PCDH15: variants seen among roughly 807,000 people sequenced by gnomAD.
The protein encoded by PCDH15 is protocadherin-15.
Under a neutral mutation model 178.5 loss-of-function variants are expected in PCDH15, and 129 were observed. That is an observed-to-expected ratio of 0.72 (90% CI 0.63 to 0.84). The LOEUF (loss-of-function observed/expected upper bound fraction) is 0.84, where lower values mean the gene tolerates loss of function less well. Among genes scored for constraint, PCDH15 ranks in the 40% least tolerant of loss-of-function variants. PCDH15 has a pLI of 0.00. For synonymous variants in PCDH15, 800 were observed against 732.0 expected (o/e 1.09, Z -1.50); for missense variants, 2,230 against 2,099.9 (o/e 1.06, Z -1.21).
chr10:54,354,060 A>G (rs9415310), intron 5 of PCDH15, among the ~76,000 whole-genome samples: 17,461 of 152,158 alleles, frequency 0.11, 1,774 homozygotes, highest in African/African-American at 0.28. Flanking sequence ...ATCTCGGCTC[A>G]CCGCAACCTC....
chr10:54,539,598 T>C (rs2084974217), intron 2 of PCDH15, among the ~76,000 whole-genome samples: 1 of 152,318 alleles, frequency 6.6e-6, no homozygotes, highest in Non-Finnish European at 1.5e-5. Flanking sequence ...GCAGAAATTC[T>C]GGAATTAAAT....
chr10:54,378,757 G>A, intron 4 of PCDH15, 25 bp downstream of exon 4: 1 of 1,610,384 alleles, frequency 6.2e-7, no homozygotes, highest in African/African-American at 1.3e-5. Flanking sequence ...TTATATTACA[G>A]GGGCAAAGAA....
At chr10:54,432,267 C>CA (rs1288956246) in intron 3 of PCDH15, among the ~76,000 whole-genome samples, 18 of 140,164 alleles carry the variant, frequency 1.3e-4, no homozygotes, top group Non-Finnish European at 2.1e-4. Flanking sequence ...CCAAAGCTAT[C>CA]AAAAAAAGAA....
intron 2 of PCDH15, among the ~76,000 whole-genome samples, chr10:55,392,979 ATGTGTGTG>A (rs10546546): frequency 5.8e-4 from 84 of 144,156 alleles, no homozygotes; most frequent in African/African-American, 1.7e-3. Context: ...ACTAAAGTGT[ATGTGTGTG>A]TGTGTGTGTG....
At chr10:55,126,313 G>A (rs1336518276) in intron 2 of PCDH15, among the ~76,000 whole-genome samples, 2 of 151,994 alleles carry the variant, frequency 1.3e-5, no homozygotes, top group East Asian at 1.9e-4. Context: ...ACCCATAGTC[G>A]GAATATTTAT....
At chr10:55,462,633 CTA>C (rs893184671) in intron 2 of PCDH15, among the ~76,000 whole-genome samples, 1 of 152,038 alleles carries the variant, frequency 6.6e-6, no homozygotes, top group East Asian at 1.9e-4. Context: ...AGCCATGTTC[CTA>C]TATATATTGT....
At chr10:55,197,150 A>G (rs573509711) in intron 1 of PCDH15, among the ~76,000 whole-genome samples, 65 of 152,162 alleles carry the variant, frequency 4.3e-4, no homozygotes, top group African/African-American at 1.5e-3. Context: ...CTTCCTAGCT[A>G]CCTACTTTCT....
intron 2 of PCDH15, among the ~76,000 whole-genome samples, chr10:55,079,689 A>G (rs993217341): frequency 3.9e-5 from 6 of 151,954 alleles, no homozygotes; most frequent in African/African-American, 1.4e-4. Context: ...TAATGGGATG[A>G]CTCTCTGGGT....
intron 5 of PCDH15, among the ~76,000 whole-genome samples, chr10:54,351,336 C>T (rs1944149359): frequency 6.6e-6 from 1 of 151,980 alleles, no homozygotes; most frequent in African/African-American, 2.4e-5. Flanking sequence ...GAAATGTATG[C>T]AAAAACAGAG....
chr10:55,532,404 A>G (rs1268143570), intron 2 of PCDH15, among the ~76,000 whole-genome samples: 2 of 152,084 alleles, frequency 1.3e-5, no homozygotes, highest in Admixed American at 1.3e-4. Context: ...TCGCTTCATT[A>G]ATTCCAACCT....
intron 2 of PCDH15, among the ~76,000 whole-genome samples, chr10:54,658,553 C>G (rs1488106108): frequency 6.6e-6 from 1 of 151,884 alleles, no homozygotes; most frequent in East Asian, 1.9e-4. Flanking sequence ...ATTTCATAAA[C>G]AAAGTAGAAA....
In PCDH15 at chr10:55,346,405, T is replaced by A. The variant is rs141412739; in HGVS notation, c.-155-179754A>T. On this transcript the variant is annotated intron_variant, in intron 2 of 5. Transcript: ENST00000613346. The stretch of plus-strand genomic sequence containing the variant: ...AGTAGGAATGTAGCTTTATAATTGA[T>A]CTTGATTTTCTTTGGAGGATCAGCT... 3.0e-3 allele frequency among the ~76,000 whole-genome samples: 451 copies of A among 152,286 alleles called. 1 individual carries two copies. Among genetic ancestry groups the A allele is most frequent in the Non-Finnish European group, 5.0e-3 (340 of 68,026 alleles).
At chr10:55,206,604 C>T (rs1240482688) in intron 1 of PCDH15, among the ~76,000 whole-genome samples, 2 of 152,120 alleles carry the variant, frequency 1.3e-5, no homozygotes, top group East Asian at 3.9e-4. Flanking sequence ...TCACAATTAA[C>T]ATCACATAAT....
intron 26 of PCDH15, among the ~76,000 whole-genome samples, chr10:53,873,335 T>C (rs962131314): frequency 6.6e-6 from 1 of 152,240 alleles, no homozygotes; most frequent in Non-Finnish European, 1.5e-5. Context: ...CCATTTATGT[T>C]GTTTGTATAA....
At position 53,822,392 on chromosome 10, in the gene PCDH15, A is replaced by G. The variant is rs727503362; in HGVS notation, c.4368-2162T>C. On this transcript the variant is annotated intron_variant, in intron 32 of 37. Coordinates refer to ENST00000644397, the MANE Select transcript of PCDH15 (RefSeq NM_001384140.1). The stretch of plus-strand genomic sequence containing the variant: ...GGATAGAAGGAGGAGAGGGAGGAGG[A>G]CAAAAAAGAGAAAAAGGAGAAATGT... 1.7e-5 allele frequency: 27 copies of G among 1,572,170 alleles called. No individual in the cohort carries two copies. Among genetic ancestry groups the G allele is most frequent in the Admixed American group, 1.3e-4 (7 of 53,268 alleles).
intron 8 of PCDH15, among the ~76,000 whole-genome samples, chr10:54,256,907 G>A (rs1454536758): frequency 6.6e-6 from 1 of 151,964 alleles, no homozygotes; most frequent in African/African-American, 2.4e-5. Context: ...TTAATTTCCT[G>A]TCTTCTTACA....
In PCDH15 at chr10:54,031,278, T is replaced by C. The variant is rs1378444002; in HGVS notation, c.2221-8081A>G. Among the ~76,000 whole-genome samples the C allele has an allele frequency of 2.0e-5, 3 of 151,944 alleles. No individual in the cohort carries two copies. The South Asian group carries it at 6.2e-4, about 31-fold the overall frequency. ...TGTTTTTATTTTCCCCCAATCCAAC[T>C]TAAACGTTCAAAACCTAGCTTCAGT... is the stretch of plus-strand genomic sequence containing the variant. On this transcript the variant is annotated intron_variant, in intron 18 of 37. Transcript: ENST00000644397.
At chr10:54,899,655 C>G (rs1223266879) in intron 2 of PCDH15, among the ~76,000 whole-genome samples, 1 of 151,956 alleles carries the variant, frequency 6.6e-6, no homozygotes, top group Non-Finnish European at 1.5e-5. Flanking sequence ...CACCACCAGG[C>G]CTGGCTAATT....
At chr10:55,317,608 A>C (rs1231236185) in intron 1 of PCDH15, among the ~76,000 whole-genome samples, 3 of 152,148 alleles carry the variant, frequency 2.0e-5, no homozygotes, top group African/African-American at 7.2e-5. Context: ...CTTTAACATG[A>C]AAAGCTGAAC....
Sources: allele counts gnomAD v4.1 joint callset (sites outside exome capture counted in the v4.1 genomes callset), GRCh38; gene constraint gnomAD v4.1.1; transcripts MANE v1.5; gene names NCBI Gene and HGNC (gene_info 2026-07-23, HGNC 2026-07-21).